The following CDK18 variants were observed in gnomAD, a reference collection of about 807,000 sequenced individuals.
CDK18 encodes the protein cyclin dependent kinase 18.
CDK18 carries 52 observed loss-of-function variants against 62.0 expected under a neutral mutation model. The observed-to-expected ratio is 0.84, with a 90% CI of 0.67 to 1.06. The LOEUF (loss-of-function observed/expected upper bound fraction) is 1.06. Ranked by LOEUF, CDK18 falls within the 50% of genes least tolerant of loss-of-function variation. The pLI, the probability that CDK18 is intolerant of heterozygous loss-of-function variation, is 0.00. For synonymous variants in CDK18, 237 were observed against 247.0 expected (o/e 0.96, Z 0.38); for missense variants, 604 against 619.9 (o/e 0.97, Z 0.27).
In CDK18 at chr1:205,530,321, G is replaced by C; in HGVS notation, c.1284G>C (p.Leu428=). ...TGAGTCACTCCTACTTCCGGTCTCT[G>C]GGAGAGCGTGTGCACCAGCTTGAAG... ...AALSHSYFRS[L]GERVHQLEDT... The change falls in exon 14 of 16, where the codon CTG becomes CTC. Residue 428 remains leucine, a synonymous_variant. Coordinates refer to ENST00000429964, the MANE Select transcript of CDK18 (RefSeq NM_212502.3). 6.2e-7 allele frequency: 1 copy of C among 1,613,102 alleles called. No individual in the cohort carries two copies. Among genetic ancestry groups the C allele is most frequent in the Non-Finnish European group, 8.5e-7 (1 of 1,180,024 alleles).
At chr1:205,526,665 C>G (rs753359958) in intron 7 of CDK18, 110 bp from the exon 8 acceptor site, 6 of 1,116,314 alleles carry the variant, frequency 5.4e-6, no homozygotes, top group African/African-American at 1.5e-5. Flanking sequence ...ACCTGTCCCA[C>G]TAGTGGGCGT....
rs776716114 is a variant in CDK18, at chr1:205,528,156, C to T, written c.962C>T (p.Pro321Leu). Residue 321 changes from proline to leucine, a missense_variant, in exon 10 of 16, where the codon CCC becomes CTC. Coordinates refer to ENST00000429964, the MANE Select transcript of CDK18 (RefSeq NM_212502.3). The surrounding 1 kb of genome is among the most constrained non-coding windows in gnomAD (Gnocchi z 4.2). ...VLLGSTEYST[P>L]IDMWGVGCIH... ...CTGGGATCCACAGAGTACTCCACCCCCATTGATATGTGGTGAGTGAGCACT... is the reference window on the plus strand; with the variant it reads ...CTGGGATCCACAGAGTACTCCACCCTCATTGATATGTGGTGAGTGAGCACT... 3 of 1,613,696 alleles carry T rather than the reference C, an allele frequency of 1.9e-6. No individual in the cohort carries two copies. The South Asian group carries it at 3.3e-5, about 18-fold the overall frequency.
intron 1 of CDK18, among the ~76,000 whole-genome samples, chr1:205,505,063 G>A (rs1160824298): frequency 1.3e-5 from 2 of 152,170 alleles, no homozygotes; most frequent in African/African-American, 2.4e-5. Context: ...GTGCTTGAGA[G>A]GGAGGGTTAT....
Position 205,529,325 on chromosome 1 carries a change from G to A in CDK18, c.1074G>A (p.Gly358=), listed in dbSNP as rs1383309378. 1.2e-6 allele frequency: 2 copies of A among 1,613,032 alleles called. No individual in the cohort carries two copies. The highest frequency in any genetic ancestry group is 1.7e-6 in the Non-Finnish European group (2 of 1,179,372). The change falls in exon 12 of 16, where the codon GGG becomes GGA. Residue 358 remains glycine (G), a splice_region_variant and synonymous_variant. Coordinates refer to ENST00000429964, the MANE Select transcript of CDK18 (RefSeq NM_212502.3). The stretch of plus-strand genomic sequence containing the variant: ...CCCCACCCTCTCTCGTCTCCCCAGG[G>A]ACCCCCACAGAAGAGACGTGGCCCG... ...EELHLIFRLL[G]TPTEETWPGV...
At chr1:205,526,707 C>T in intron 7 of CDK18, 68 bp from the exon 8 acceptor site, 1 of 1,450,878 alleles carries the variant, frequency 6.9e-7, no homozygotes, top group South Asian at 1.1e-5. Context: ...TTCCTCTCCT[C>T]AGCCTGTGTC....
Position 205,528,204 on chromosome 1 carries a change from C to T in CDK18, c.974+36C>T. On this transcript the variant is annotated intron_variant, in intron 10 of 15. Transcript: ENST00000429964. This position sits in a 1 kb window ranked among gnomAD's most constrained non-coding sequence, Gnocchi z 4.2. Reference sequence around the variant, plus strand: ...ACTGTGGGGACCGAGGAGGGGAGGACAGGCCTGGCCACACCTCCAGACTCT... The same window carrying T: ...ACTGTGGGGACCGAGGAGGGGAGGATAGGCCTGGCCACACCTCCAGACTCT... 1 of 1,607,944 alleles carries T rather than the reference C, an allele frequency of 6.2e-7. No individual in the cohort carries two copies. Among genetic ancestry groups the T allele is most frequent in the Non-Finnish European group, 8.5e-7 (1 of 1,176,720 alleles).
chr1:205,515,150 G>A (rs1196017346), intron 1 of CDK18, among the ~76,000 whole-genome samples: 1 of 150,934 alleles, frequency 6.6e-6, no homozygotes, highest in Non-Finnish European at 1.5e-5. Context: ...ACTTTTTCCT[G>A]AAGGCAGTGT....
At chr1:205,523,344 T>A in intron 2 of CDK18, 47 bp downstream of exon 2, 3 of 1,612,036 alleles carry the variant, frequency 1.9e-6, no homozygotes, top group Non-Finnish European at 2.5e-6. Flanking sequence ...TACCAGACAC[T>A]CCCCAGTCAC....
chr1:205,511,142 T>A (rs1258424308), intron 1 of CDK18, among the ~76,000 whole-genome samples: 1 of 152,228 alleles, frequency 6.6e-6, no homozygotes, highest in Non-Finnish European at 1.5e-5. Flanking sequence ...GTATGGCCCA[T>A]GAGCTAAGAA....
intron 13 of CDK18, 144 bp downstream of exon 13, chr1:205,529,707 G>A (rs1196397113): frequency 6.5e-7 from 1 of 1,544,400 alleles, no homozygotes. Context: ...CACCCCCAAG[G>A]CCAAGGGGTG....
rs947740527 is a variant in CDK18 at position 205,526,603 on chromosome 1, C to T, written c.666+142C>T. ...TTCTGGAATCAGATTTTCAGATGCTCCCGTGCAGGAGTGGGCCAAGAGCTC... is the reference window on the plus strand; with the variant it reads ...TTCTGGAATCAGATTTTCAGATGCTTCCGTGCAGGAGTGGGCCAAGAGCTC... On this transcript the variant is annotated intron_variant, in intron 7 of 15. Coordinates refer to ENST00000429964, the MANE Select transcript of CDK18 (RefSeq NM_212502.3). The T allele has an allele frequency of 4.3e-6, 4 of 932,778 alleles. No individual in the cohort carries two copies. The African/African-American group carries it at 4.8e-5, about 11-fold the overall frequency. 57.8% of individuals were successfully genotyped at this position (932,778 alleles called of 1,614,324 possible).
chr1:205,506,032 G>A (rs1285336029), intron 1 of CDK18, among the ~76,000 whole-genome samples: 1 of 152,174 alleles, frequency 6.6e-6, no homozygotes, highest in African/African-American at 2.4e-5. Flanking sequence ...CCCCACCCGG[G>A]CATGGGCATG....
intron 1 of CDK18, chr1:205,522,919 G>A (rs1558777363): frequency 1.9e-6 from 1 of 522,126 alleles, no homozygotes; most frequent in East Asian, 3.4e-5. Flanking sequence ...GCGGTGGGCA[G>A]TGGAGGCAGT....
Position 205,529,205 on chromosome 1 carries a change from G to GC in CDK18, c.1072+110dup, listed in dbSNP as rs1668604019. 24 of 1,342,620 alleles carry GC rather than the reference G, an allele frequency of 1.8e-5. No homozygotes were observed. The East Asian group carries it at 6.0e-4, about 33-fold the overall frequency. The allele number at this position is 1,342,620 out of a possible 1,614,324, so 83.2% of individuals were successfully genotyped here. A position where few individuals can be genotyped will look rare whatever the true frequency, so the allele number is the denominator to read the frequency against. On this transcript the variant is annotated intron_variant, in intron 11 of 15. Coordinates refer to ENST00000429964, the MANE Select transcript of CDK18 (RefSeq NM_212502.3). ...AGCGGCTCGGCCGCCTCTCTCCCGG[G>GC]CGGGGACCCCCTGTGGCCTCGGCCA...
chr1:205,525,088 G>T (rs1234775008), intron 4 of CDK18, 51 bp from the exon 5 acceptor site: 1 of 1,316,722 alleles, frequency 7.6e-7, no homozygotes, highest in East Asian at 2.3e-5. Flanking sequence ...TCATGTCTGT[G>T]GAGCTGCTAA....
chr1:205,506,818 G>T (rs912154962), intron 1 of CDK18, among the ~76,000 whole-genome samples: 2 of 152,210 alleles, frequency 1.3e-5, no homozygotes, highest in African/African-American at 4.8e-5. Context: ...CCTGCACTAG[G>T]CAGAGCCAGG....
At chr1:205,519,721 C>A (rs889779636) in intron 1 of CDK18, among the ~76,000 whole-genome samples, 1 of 152,056 alleles carries the variant, frequency 6.6e-6, no homozygotes, top group Admixed American at 6.5e-5. Context: ...CTGGTGGCTC[C>A]TTGCTCCTCA....
In CDK18 at chr1:205,530,698, GCAGC is replaced by G. The variant is rs769510043; in HGVS notation, c.1387_1390del (p.Pro463AspfsTer32). 14 of 1,613,612 alleles carry G rather than the reference GCAGC, an allele frequency of 8.7e-6. No homozygotes were observed. In the South Asian group the frequency reaches 1.5e-4, roughly 18 times the overall value. ...CAGGCTACCGAGGCTTGGCCTTCCAGCAGCCAGGTAGGGGCTTGTGCTCTCCTGG... is the reference window on the plus strand; with the variant it reads ...CAGGCTACCGAGGCTTGGCCTTCCAGCAGGTAGGGGCTTGTGCTCTCCTGG... On this transcript the variant is annotated frameshift_variant, in exon 15 of 16. Transcript: ENST00000429964. LOFTEE classifies it high-confidence loss of function.
intron 6 of CDK18, 47 bp downstream of exon 6, chr1:205,526,226 G>A (rs1436168670): frequency 6.4e-7 from 1 of 1,557,038 alleles, no homozygotes; most frequent in Non-Finnish European, 8.8e-7. Context: ...TTCAGGAGGA[G>A]GGGTTCACCA....
Sources: gnomAD v4.1 joint callset for allele counts (sites outside exome capture counted in the v4.1 genomes callset) on GRCh38, gnomAD v4.1.1 for gene constraint, Gnocchi (gnomAD v3.1) non-coding constraint, MANE v1.5 for transcripts, NCBI Gene and HGNC (gene_info 2026-07-23, HGNC 2026-07-21) for gene names.